PLCZ1: variants seen among roughly 807,000 people sequenced by gnomAD.
PLCZ1 encodes the protein 1-phosphatidylinositol 4,5-bisphosphate phosphodiesterase zeta-1.
PLCZ1 carries 64 observed loss-of-function variants against 76.8 expected under a neutral mutation model. The ratio of observed to expected loss-of-function variants is 0.83; its 90% confidence interval spans 0.68 to 1.03. PLCZ1 has a LOEUF of 1.03. PLCZ1 is among the 50% of genes least tolerant of loss of function. The probability of loss-of-function intolerance (pLI) is 0.00; values close to 1 mark genes in which losing one functional copy is unlikely to be tolerated. For missense variants in PLCZ1, 751 were observed against 713.7 expected (o/e 1.05, Z -0.60); for synonymous variants, 248 against 230.8 (o/e 1.07, Z -0.68).
At chr12:18,722,570 CATT>C (rs1277220261) in intron 4 of PLCZ1, among the ~76,000 whole-genome samples, 2 of 152,014 alleles carry the variant, frequency 1.3e-5, no homozygotes. Flanking sequence ...TAAGGTCAAA[CATT>C]GTGCTTTAAC....
At chr12:18,731,728 T>G (rs1378831786) in intron 3 of PLCZ1, among the ~76,000 whole-genome samples, 1 of 151,958 alleles carries the variant, frequency 6.6e-6, no homozygotes, top group Non-Finnish European at 1.5e-5. Flanking sequence ...ATACGCAGGA[T>G]TTTAAGGTTC....
At chr12:18,690,245 C>T (rs757914029) in intron 12 of PLCZ1, among the ~76,000 whole-genome samples, 12 of 151,924 alleles carry the variant, frequency 7.9e-5, no homozygotes, top group African/African-American at 1.5e-4. Context: ...TTCTTTGAGA[C>T]GAACTTTGGC....
intron 12 of PLCZ1, chr12:18,693,143 C>T (rs924871935): frequency 1.1e-5 from 16 of 1,514,714 alleles, no homozygotes; most frequent in African/African-American, 9.7e-5. Context: ...ATCATGCCAT[C>T]GTGTCTACAT....
rs1368459023 is a variant in PLCZ1 at position 18,699,886 on chromosome 12, A to C, written c.1082T>G (p.Phe361Cys). ...TAATCTTGAATGTTGAAAGCTTTTG[A>C]ATTTCTCAGCTTTCGTATAAATGAC... ...DLVIYTKAEK[F>C]KSFQHSRLYQ... Residue 361 changes from phenylalanine to cysteine, a missense_variant, in exon 10 of 15, where the codon TTC (phenylalanine) becomes TGC (cysteine). Physicochemically the swap from Phe to Cys is radical, Grantham distance 205. Transcript: ENST00000266505. 3.1e-6 allele frequency: 5 copies of C among 1,612,784 alleles called. No homozygotes were observed. Among genetic ancestry groups the C allele is most frequent in the Non-Finnish European group, 4.2e-6 (5 of 1,179,496 alleles).
Position 18,723,608 on chromosome 12 carries a change from GTATT to G in PLCZ1, c.136-70_136-67del, listed in dbSNP as rs1400934835. The G allele has an allele frequency of 4.2e-6, 5 of 1,179,916 alleles. No individual in the cohort carries two copies. The African/African-American group carries it at 7.7e-5, about 18-fold the overall frequency. The allele number at this position is 1,179,916 out of a possible 1,614,324, so 73.1% of individuals were successfully genotyped here. On this transcript the variant is annotated intron_variant, in intron 3 of 14. Transcript: ENST00000266505. ...AAAAATACATAAAATGAATATTAGA[GTATT>G]TATGTAACATGTAGTAATTTATACT...
chr12:18,684,053 T>C (rs775854461), intron 14 of PLCZ1, 77 bp downstream of exon 14: 9 of 1,492,070 alleles, frequency 6.0e-6, no homozygotes, highest in Non-Finnish European at 8.3e-6. Flanking sequence ...AGCTATTTGG[T>C]ATGTCAAAAT....
chr12:18,651,632 A>G, the PLCZ1 span, among the ~76,000 whole-genome samples: 1 of 152,058 alleles, frequency 6.6e-6, no homozygotes, highest in South Asian at 2.1e-4. Context: ...ATTCTAGACC[A>G]CAGTCTAGGT....
At chr12:18,672,508 T>G in the PLCZ1 span, among the ~76,000 whole-genome samples, 4 of 152,094 alleles carry the variant, frequency 2.6e-5, no homozygotes, top group Admixed American at 6.5e-5. Flanking sequence ...TAAAAATAAA[T>G]TTGTGTTGTT....
chr12:18,656,613 G>A, the PLCZ1 span, among the ~76,000 whole-genome samples: 1 of 152,006 alleles, frequency 6.6e-6, no homozygotes, highest in Admixed American at 6.6e-5. Context: ...ACATGCACCT[G>A]GTGTCCCAGC....
At chr12:18,655,905 T>C in the PLCZ1 span, among the ~76,000 whole-genome samples, 1 of 152,154 alleles carries the variant, frequency 6.6e-6, no homozygotes, top group Admixed American at 6.5e-5. Flanking sequence ...ATGACTACTC[T>C]ATGTAATGTG....
At chr12:18,663,042 C>G in the PLCZ1 span, among the ~76,000 whole-genome samples, 7 of 152,022 alleles carry the variant, frequency 4.6e-5, no homozygotes, top group African/African-American at 1.7e-4. Flanking sequence ...ATTAAACTCT[C>G]TCCAGTCAAA....
chr12:18,688,296 T>C (rs1325835698), intron 12 of PLCZ1, 78 bp from the exon 13 acceptor site: 5 of 1,463,970 alleles, frequency 3.4e-6, no homozygotes, highest in Non-Finnish European at 4.6e-6. Context: ...TTAAGTTATG[T>C]ATTACAAAAA....
intron 10 of PLCZ1, among the ~76,000 whole-genome samples, chr12:18,699,400 G>C (rs1326048809): frequency 6.6e-6 from 1 of 152,150 alleles, no homozygotes; most frequent in Non-Finnish European, 1.5e-5. Context: ...AAATAGAGTG[G>C]ATCATGCCAC....
chr12:18,695,709 A>G (rs1954875090), intron 11 of PLCZ1, among the ~76,000 whole-genome samples: 1 of 152,120 alleles, frequency 6.6e-6, no homozygotes, highest in Non-Finnish European at 1.5e-5. Context: ...ATTTGGAATA[A>G]GAGTCTGGTG....
intron 7 of PLCZ1, among the ~76,000 whole-genome samples, 198 bp from the exon 8 acceptor site, chr12:18,701,974 A>G (rs1287683602): frequency 1.3e-5 from 2 of 152,186 alleles, no homozygotes; most frequent in Admixed American, 6.5e-5. Context: ...ATTGTAATTC[A>G]CCAAAAAATA....
intron 9 of PLCZ1, among the ~76,000 whole-genome samples, chr12:18,700,175 A>G (rs1331432642): frequency 1.3e-5 from 2 of 152,140 alleles, no homozygotes; most frequent in Non-Finnish European, 2.9e-5. Context: ...TAATGTAATA[A>G]GTATTGAGGA....
chr12:18,651,334 G>A, the PLCZ1 span, among the ~76,000 whole-genome samples: 2 of 152,104 alleles, frequency 1.3e-5, no homozygotes, highest in African/African-American at 4.8e-5. Flanking sequence ...TATGTGAGAT[G>A]TTGCAAGCTG....
intron 3 of PLCZ1, among the ~76,000 whole-genome samples, chr12:18,724,673 T>A (rs1042617266): frequency 1.3e-5 from 2 of 152,144 alleles, no homozygotes; most frequent in Non-Finnish European, 2.9e-5. Flanking sequence ...TTAAATAACA[T>A]GCTTCAACTT....
chr12:18,700,896 AG>A (rs1461118153), intron 9 of PLCZ1, among the ~76,000 whole-genome samples: 20 of 152,276 alleles, frequency 1.3e-4, no homozygotes, highest in African/African-American at 4.6e-4. Flanking sequence ...ACTTGGGACC[AG>A]GGAAATTACG....
Sources: allele counts gnomAD v4.1 joint callset (sites outside exome capture counted in the v4.1 genomes callset), GRCh38; gene constraint gnomAD v4.1.1; transcripts MANE v1.5; gene names NCBI Gene and HGNC (gene_info 2026-07-23, HGNC 2026-07-21).